Variants in ROBO2 observed in about 807,000 individuals in gnomAD.
ROBO2 encodes roundabout homolog 2.
ROBO2 carries 53 observed loss-of-function variants against 160.8 expected under a neutral mutation model. The ratio of observed to expected loss-of-function variants is 0.33; its 90% CI spans 0.26 to 0.41. The LOEUF is 0.41. Among genes scored for constraint, ROBO2 ranks in the 10% least tolerant of loss-of-function variants. ROBO2 has a pLI of 1.00. For synonymous variants in ROBO2, 664 were observed against 611.7 expected (o/e 1.09, Z -1.26); for missense variants, 1,577 against 1,722.4 (o/e 0.92, Z 1.49).
chr3:76,850,758 A>G (rs1298849761), intron 2 of ROBO2, among the ~76,000 whole-genome samples: 1 of 152,056 alleles, frequency 6.6e-6, no homozygotes. Flanking sequence ...TAATCTTAAT[A>G]AGAGAATAGC....
intron 2 of ROBO2, among the ~76,000 whole-genome samples, chr3:77,279,208 A>C (rs556127558): frequency 1.3e-5 from 2 of 152,170 alleles, no homozygotes; most frequent in East Asian, 1.9e-4. Context: ...TAAACGCCTA[A>C]ATTTTTAGAA....
chr3:77,339,219 T>C (rs1376809026), intron 2 of ROBO2, among the ~76,000 whole-genome samples: 2 of 152,068 alleles, frequency 1.3e-5, no homozygotes, highest in East Asian at 3.9e-4. Context: ...TCCGTATGGT[T>C]GAAGTAGACA....
At chr3:77,519,077 T>C (rs1176911880) in intron 5 of ROBO2, among the ~76,000 whole-genome samples, 1 of 151,498 alleles carries the variant, frequency 6.6e-6, no homozygotes. Context: ...GTCTCTTTTA[T>C]TAATTGTTAA....
chr3:76,970,708 G>A (rs1399739111), intron 2 of ROBO2, among the ~76,000 whole-genome samples: 1 of 152,138 alleles, frequency 6.6e-6, no homozygotes, highest in Non-Finnish European at 1.5e-5. Context: ...CAGGTAAAAT[G>A]ATAATAAACC....
chr3:76,100,032 A>G (rs2069617519), intron 2 of ROBO2, among the ~76,000 whole-genome samples: 1 of 152,202 alleles, frequency 6.6e-6, no homozygotes. Flanking sequence ...CATTGGGCTC[A>G]TAGCCTCATG....
chr3:76,814,114 G>C (rs2065447586), intron 2 of ROBO2, among the ~76,000 whole-genome samples: 1 of 152,148 alleles, frequency 6.6e-6, no homozygotes, highest in African/African-American at 2.4e-5. Context: ...AATTAAAAAC[G>C]AAGTATCCGT....
At chr3:77,083,676 C>T (rs1022113985) in intron 1 of ROBO2, among the ~76,000 whole-genome samples, 1 of 152,008 alleles carries the variant, frequency 6.6e-6, no homozygotes, top group Non-Finnish European at 1.5e-5. Context: ...AGGAAGAATC[C>T]ACAGAAATGT....
intron 2 of ROBO2, among the ~76,000 whole-genome samples, chr3:76,399,086 C>A (rs1267980204): frequency 2.0e-5 from 3 of 151,418 alleles, no homozygotes; most frequent in South Asian, 2.1e-4. Context: ...ATATTAGGCA[C>A]GCAAGCATAA....
chr3:77,256,402 T>G (rs2058415904), intron 2 of ROBO2, among the ~76,000 whole-genome samples: 1 of 152,190 alleles, frequency 6.6e-6, no homozygotes, highest in Non-Finnish European at 1.5e-5. Context: ...GAGCAAATTA[T>G]TTAACCTCTT....
intron 2 of ROBO2, among the ~76,000 whole-genome samples, chr3:77,122,283 G>A (rs1264340738): frequency 6.6e-6 from 1 of 152,052 alleles, no homozygotes; most frequent in East Asian, 1.9e-4. Context: ...ATATTAATCT[G>A]CTCCCCAACT....
intron 2 of ROBO2, among the ~76,000 whole-genome samples, chr3:76,215,558 C>T (rs1291566877): frequency 6.6e-6 from 1 of 151,972 alleles, no homozygotes; most frequent in African/African-American, 2.4e-5. Context: ...GACAGGGTAT[C>T]AGCAATGGAA....
At chr3:75,990,648 C>G (rs2065540600) in intron 2 of ROBO2, among the ~76,000 whole-genome samples, 1 of 152,070 alleles carries the variant, frequency 6.6e-6, no homozygotes, top group Non-Finnish European at 1.5e-5. Context: ...TAACACTCAG[C>G]TAGAATTACC....
rs1331959730 is a variant in ROBO2, at chr3:76,375,521, A to G, written c.109+437919A>G. ...AGGTGCATCCTTATCCTCAATAATT[A>G]TACTGCCTGGAAAAGAAAGCCTACA... On this transcript the variant is annotated intron_variant, in intron 2 of 26. Transcript: ENST00000487694. Among the ~76,000 whole-genome samples the G allele has an allele frequency of 2.0e-5, 3 of 152,052 alleles. No homozygotes were observed. In the South Asian group the frequency reaches 6.2e-4, roughly 31 times the overall value.
intron 2 of ROBO2, among the ~76,000 whole-genome samples, chr3:76,539,121 A>C (rs1251691167): frequency 5.9e-5 from 9 of 152,078 alleles, no homozygotes; most frequent in Non-Finnish European, 1.3e-4. Flanking sequence ...GCACGTTCTC[A>C]CTCATAAGTG....
At chr3:76,012,843 GCAATTGGCGACTGGGCACGGTGGCT>G (rs2066239733) in intron 2 of ROBO2, among the ~76,000 whole-genome samples, 1 of 141,176 alleles carries the variant, frequency 7.1e-6, no homozygotes, top group African/African-American at 2.5e-5. Flanking sequence ...ATGTATAAAG[GCAATTGGCGACTGGGCACGGTGGCT>G]TATGCATGTA....
At chr3:77,556,072 A>C in intron 8 of ROBO2, among the ~76,000 whole-genome samples, 1 of 105,784 alleles carries the variant, frequency 9.5e-6, no homozygotes, top group Non-Finnish European at 2.1e-5. Context: ...TAGGTATTTA[A>C]TTTGGAAAAA....
intron 1 of ROBO2, among the ~76,000 whole-genome samples, chr3:77,053,289 C>A (rs1027785469): frequency 6.6e-6 from 1 of 152,110 alleles, no homozygotes; most frequent in African/African-American, 2.4e-5. Flanking sequence ...TAAGCCATGT[C>A]TTTGTTTTTA....
At position 76,741,894 on chromosome 3, in the gene ROBO2, C is replaced by G. The variant is rs566552108; in HGVS notation, c.110-356120C>G. Reference sequence around the variant, plus strand: ...TTTAGGGCATTGAGAGGTAAATGGCCTTCTTTTTATGCCCTAATATAGTAT... The same window carrying G: ...TTTAGGGCATTGAGAGGTAAATGGCGTTCTTTTTATGCCCTAATATAGTAT... On this transcript the variant is annotated intron_variant, in intron 2 of 26. Transcript: ENST00000487694. 1.4e-4 allele frequency among the ~76,000 whole-genome samples: 22 copies of G among 152,058 alleles called. No individual in the cohort carries two copies. In the South Asian group the frequency reaches 4.6e-3, roughly 32 times the overall value.
In ROBO2 at chr3:77,362,872, C is replaced by A. The variant is rs562456663; in HGVS notation, c.389-114542C>A. Among the ~76,000 whole-genome samples, 46 of 152,144 alleles carry A rather than the reference C, an allele frequency of 3.0e-4. 1 individual carries two copies. Among genetic ancestry groups the A allele is most frequent in the East Asian group, 2.9e-3 (15 of 5,162 alleles). On this transcript the variant is annotated intron_variant, in intron 2 of 25. Coordinates refer to ENST00000461745, the Ensembl canonical transcript of ROBO2. ...TTGAGAGGAACTCCTTTTTATAAAA[C>A]CATCAGATCTTGTGAGACTTATTCA...
Sources: gnomAD v4.1 joint callset for allele counts (sites outside exome capture counted in the v4.1 genomes callset) on GRCh38, gnomAD v4.1.1 for gene constraint, MANE v1.5 for transcripts, NCBI Gene and HGNC (gene_info 2026-07-23, HGNC 2026-07-21) for gene names.